Variants in XKR4 observed in about 807,000 individuals in gnomAD.
XKR4 encodes XK-related protein 4.
Under a neutral mutation model 53.9 loss-of-function variants are expected in XKR4, and 12 were observed. That is an observed-to-expected ratio of 0.22 (90% CI 0.14 to 0.36). The LOEUF (loss-of-function observed/expected upper bound fraction) is 0.36, where lower values mean the gene tolerates loss of function less well. Ranked by LOEUF, XKR4 falls within the 10% of genes least tolerant of loss-of-function variation. The probability of loss-of-function intolerance (pLI) is 1.00; values close to 1 mark genes in which losing one functional copy is unlikely to be tolerated. For synonymous variants in XKR4, 354 were observed against 362.4 expected (o/e 0.98, Z 0.26); for missense variants, 799 against 859.5 (o/e 0.93, Z 0.88).
At chr8:55,429,969 A>G (rs919646135) in intron 2 of XKR4, among the ~76,000 whole-genome samples, 2 of 152,218 alleles carry the variant, frequency 1.3e-5, no homozygotes, top group African/African-American at 4.8e-5. Context: ...TAGCTGGGAC[A>G]TGGGCAAATG....
At chr8:55,197,818 C>G (rs1195397719) in intron 1 of XKR4, among the ~76,000 whole-genome samples, 1 of 152,196 alleles carries the variant, frequency 6.6e-6, no homozygotes, top group Non-Finnish European at 1.5e-5. Flanking sequence ...GCTGGGATTA[C>G]AGGCGTGAGC....
chr8:55,313,456 A>T (rs1198663334), intron 1 of XKR4, among the ~76,000 whole-genome samples: 1 of 152,110 alleles, frequency 6.6e-6, no homozygotes, highest in Non-Finnish European at 1.5e-5. Context: ...CCTGAGGTGC[A>T]CTCTGGCCCT....
rs112852043 is a variant in XKR4 at position 55,491,625 on chromosome 8, G to GGTTTGTTTGTTT, written c.1007-31635_1007-31624dup. Among the ~76,000 whole-genome samples, 1,150 of 149,870 alleles carry GGTTTGTTTGTTT rather than the reference G, an allele frequency of 7.7e-3. 11 individuals carry two copies. Among genetic ancestry groups the GGTTTGTTTGTTT allele is most frequent in the African/African-American group, 0.017 (705 of 40,626 alleles). ...CAATGGGCTCTTTTATGTCTTTGGG[G>GGTTTGTTTGTTT]GTTTGTTTGTTTGTTTGTTTGTTTG... is the stretch of plus-strand genomic sequence containing the variant. On this transcript the variant is annotated intron_variant, in intron 2 of 2. Transcript: ENST00000327381.
At chr8:55,468,622 A>G (rs1184709704) in intron 2 of XKR4, among the ~76,000 whole-genome samples, 1 of 152,182 alleles carries the variant, frequency 6.6e-6, no homozygotes, top group Non-Finnish European at 1.5e-5. Context: ...TCTATTAAAA[A>G]GTTGGTTCAA....
chr8:55,475,427 G>A (rs1201709332), intron 2 of XKR4, among the ~76,000 whole-genome samples: 2 of 151,578 alleles, frequency 1.3e-5, no homozygotes, highest in African/African-American at 4.9e-5. Flanking sequence ...TAGGCTATTT[G>A]GGGTGATGGG....
At chr8:55,510,132 C>A (rs1026165187) in intron 2 of XKR4, among the ~76,000 whole-genome samples, 13 of 152,116 alleles carry the variant, frequency 8.5e-5, no homozygotes, top group African/African-American at 2.7e-4. Flanking sequence ...CAGGCTGAGT[C>A]CTCAGGGAAG....
At chr8:55,264,933 C>A (rs557654963) in intron 1 of XKR4, among the ~76,000 whole-genome samples, 1 of 152,176 alleles carries the variant, frequency 6.6e-6, no homozygotes, top group Non-Finnish European at 1.5e-5. Flanking sequence ...AAATTCCAAA[C>A]CAAAAAAGTC....
chr8:55,282,232 T>G (rs1322118421), intron 1 of XKR4, among the ~76,000 whole-genome samples: 1 of 152,218 alleles, frequency 6.6e-6, no homozygotes, highest in Admixed American at 6.5e-5. Flanking sequence ...CCATAGCTTA[T>G]AATGGAGCCA....
At position 55,339,355 on chromosome 8, in the gene XKR4, G is replaced by C. The variant is rs576909703; in HGVS notation, c.807-18323G>C. Among the ~76,000 whole-genome samples, 52 of 152,266 alleles carry C rather than the reference G, an allele frequency of 3.4e-4. 1 individual carries two copies. Among genetic ancestry groups the C allele is most frequent in the South Asian group, 1.2e-3 (6 of 4,822 alleles). On this transcript the variant is annotated intron_variant, in intron 1 of 2. Transcript: ENST00000327381. ...GAGTAAGTAGCACCACTTTCATAAG[G>C]CTTCCGAGAAGGCTAAGAAAACATA...
intron 2 of XKR4, chr8:55,453,033 C>A: frequency 1.6e-6 from 1 of 625,204 alleles, no homozygotes; most frequent in Non-Finnish European, 3.1e-6. Context: ...TCTCATCCTC[C>A]TGGGAAGGTG....
intron 1 of XKR4, among the ~76,000 whole-genome samples, chr8:55,188,857 C>G (rs1437599351): frequency 2.0e-5 from 3 of 152,072 alleles, no homozygotes; most frequent in African/African-American, 7.2e-5. Context: ...GGAGGATAAG[C>G]AAGATAATGC....
At chr8:55,183,491 T>C (rs1254357986) in intron 1 of XKR4, among the ~76,000 whole-genome samples, 1 of 152,138 alleles carries the variant, frequency 6.6e-6, no homozygotes, top group Non-Finnish European at 1.5e-5. Flanking sequence ...TCCTCATTGA[T>C]CCATGGGTTA....
intron 2 of XKR4, among the ~76,000 whole-genome samples, chr8:55,394,102 A>C (rs144609986): frequency 0.013 from 2,004 of 152,336 alleles, 50 homozygotes; most frequent in African/African-American, 0.046. Context: ...CAAAATGATA[A>C]AACTCAACTG....
intron 2 of XKR4, among the ~76,000 whole-genome samples, chr8:55,385,302 C>CT (rs953729352): frequency 7.9e-5 from 12 of 152,286 alleles, no homozygotes; most frequent in African/African-American, 2.9e-4. Context: ...GAACTCCAGC[C>CT]TGTGTGGACA....
intron 1 of XKR4, among the ~76,000 whole-genome samples, chr8:55,267,060 G>A (rs2129371898): frequency 6.6e-6 from 1 of 152,258 alleles, no homozygotes; most frequent in South Asian, 2.1e-4. Flanking sequence ...AATCTGATGG[G>A]GTTGGTGCAG....
At chr8:55,457,589 G>T (rs1683438021) in intron 2 of XKR4, among the ~76,000 whole-genome samples, 1 of 152,176 alleles carries the variant, frequency 6.6e-6, no homozygotes, top group Non-Finnish European at 1.5e-5. Context: ...CAGCACTAAA[G>T]GAAGAACTTT....
chr8:55,354,098 T>C (rs1279241943), intron 1 of XKR4, among the ~76,000 whole-genome samples: 1 of 152,150 alleles, frequency 6.6e-6, no homozygotes, highest in African/African-American at 2.4e-5. Flanking sequence ...ACCCCCATAA[T>C]TACCTAGAGA....
chr8:55,251,491 C>T (rs1563493465), intron 1 of XKR4, among the ~76,000 whole-genome samples: 1 of 152,108 alleles, frequency 6.6e-6, no homozygotes, highest in Non-Finnish European at 1.5e-5. Context: ...ACATAAAGAC[C>T]ATTGAAAGAT....
At chr8:55,329,820 G>A (rs577693474) in intron 1 of XKR4, among the ~76,000 whole-genome samples, 7 of 152,114 alleles carry the variant, frequency 4.6e-5, no homozygotes, top group East Asian at 3.9e-4. Context: ...GCCCACTTTC[G>A]ACTACCAAAA....
Sources: allele counts gnomAD v4.1 joint callset (sites outside exome capture counted in the v4.1 genomes callset), GRCh38; gene constraint gnomAD v4.1.1; transcripts MANE v1.5; gene names NCBI Gene and HGNC (gene_info 2026-07-23, HGNC 2026-07-21).